CHRM3: variants seen among roughly 807,000 people sequenced by gnomAD.
The protein encoded by CHRM3 is muscarinic acetylcholine receptor M3.
In CHRM3, 11 loss-of-function variants were observed where a neutral mutation model predicts 41.8. That is an observed-to-expected ratio of 0.26 (90% CI 0.17 to 0.44). The LOEUF is 0.44. CHRM3 is among the 20% of genes least tolerant of loss of function. The pLI is 1.00. For synonymous variants in CHRM3, 297 were observed against 301.4 expected, an observed-to-expected ratio of 0.99 and a Z score of 0.15; for missense variants, 571 against 745.4, an observed-to-expected ratio of 0.77 and a Z score of 2.72.
At chr1:239,490,716 C>A (rs927751529) in intron 1 of CHRM3, among the ~76,000 whole-genome samples, 6 of 151,944 alleles carry the variant, frequency 3.9e-5, no homozygotes, top group African/African-American at 1.4e-4. Context: ...CATGTACCAC[C>A]AAGCTCAGTT....
In CHRM3 at chr1:239,907,231, T is replaced by C. The variant is rs1478473596; in HGVS notation, c.-19-202T>C. 6.6e-6 allele frequency among the ~76,000 whole-genome samples: 1 copy of C among 152,202 alleles called. No individual in the cohort carries two copies. Among genetic ancestry groups the C allele is most frequent in the Non-Finnish European group, 1.5e-5 (1 of 68,030 alleles). ...AATGTTCAGTGCATGCCACCAATTA[T>C]ATAATACTATCTCAAACAAATCGAT... On this transcript the variant is annotated intron_variant, in intron 6 of 6. Transcript: ENST00000676153. The surrounding 1 kb of genome is among the most constrained non-coding windows in gnomAD (Gnocchi z 5.4).
intron 3 of CHRM3, among the ~76,000 whole-genome samples, chr1:239,611,349 CA>C (rs1211154847): frequency 6.7e-6 from 1 of 148,340 alleles, no homozygotes; most frequent in African/African-American, 2.5e-5. Context: ...GCATGACTTT[CA>C]AAAGTATAAT....
intron 6 of CHRM3, among the ~76,000 whole-genome samples, chr1:239,834,207 G>A (rs1673118164): frequency 6.9e-6 from 1 of 144,628 alleles, no homozygotes; most frequent in Non-Finnish European, 1.5e-5. Context: ...GACAAAATTT[G>A]CACACTCAAC....
rs1038358079 is a variant in CHRM3, at chr1:239,627,908, C to T, written c.-312-4316C>T. ...GATGGGCTTTCCTTTGAGGGTAACC[C>T]GACCATTCTCTCTGGCTGCCCTTAA... On this transcript the variant is annotated intron_variant, in intron 3 of 6. Transcript: ENST00000676153. Among the ~76,000 whole-genome samples, 8 of 150,072 alleles carry T rather than the reference C, an allele frequency of 5.3e-5. No individual in the cohort carries two copies. In the South Asian group the frequency reaches 6.4e-4, roughly 12 times the overall value.
chr1:239,637,715 T>C (rs1438894494), intron 4 of CHRM3, among the ~76,000 whole-genome samples: 1 of 149,688 alleles, frequency 6.7e-6, no homozygotes, highest in Non-Finnish European at 1.5e-5. Context: ...TTTTTCTTTT[T>C]TTTTTTTTTG....
chr1:239,503,826 C>G (rs1668398152), intron 2 of CHRM3, among the ~76,000 whole-genome samples: 1 of 152,106 alleles, frequency 6.6e-6, no homozygotes, highest in Non-Finnish European at 1.5e-5. Flanking sequence ...AAAGGACACC[C>G]TTTTCAACAA....
At chr1:239,775,841 G>A (rs1668045929) in intron 5 of CHRM3, among the ~76,000 whole-genome samples, 1 of 152,168 alleles carries the variant, frequency 6.6e-6, no homozygotes, top group Admixed American at 6.5e-5. Context: ...GTGACAAAAA[G>A]AGCATAAAAG....
intron 3 of CHRM3, among the ~76,000 whole-genome samples, chr1:239,585,649 G>T (rs1899617): frequency 6.6e-6 from 1 of 152,116 alleles, no homozygotes; most frequent in Non-Finnish European, 1.5e-5. Flanking sequence ...TGCTTGGCAG[G>T]TATACTACTA....
chr1:239,834,480 A>G (rs1673153309), intron 6 of CHRM3, among the ~76,000 whole-genome samples: 1 of 151,904 alleles, frequency 6.6e-6, no homozygotes, highest in African/African-American at 2.4e-5. Flanking sequence ...TCCCTGCACC[A>G]TAGACCTTTA....
chr1:239,467,135 G>T (rs1665788382), intron 1 of CHRM3, among the ~76,000 whole-genome samples: 1 of 152,090 alleles, frequency 6.6e-6, no homozygotes, highest in South Asian at 2.1e-4. Flanking sequence ...TAGCAGTTAA[G>T]ACAGTGACCC....
chr1:239,877,364 T>C (rs1572567084), intron 6 of CHRM3, among the ~76,000 whole-genome samples: 1 of 152,106 alleles, frequency 6.6e-6, no homozygotes, highest in African/African-American at 2.4e-5. Flanking sequence ...GGTGGATCAC[T>C]TGAGGCCAGA....
chr1:239,894,456 G>A (rs575124266), intron 6 of CHRM3, among the ~76,000 whole-genome samples: 3 of 151,958 alleles, frequency 2.0e-5, no homozygotes, highest in African/African-American at 7.2e-5. Context: ...TTTTTGAGAT[G>A]GAGTCTCACT....
chr1:239,518,322 A>G (rs1669409070), intron 2 of CHRM3, among the ~76,000 whole-genome samples: 1 of 152,208 alleles, frequency 6.6e-6, no homozygotes, highest in Non-Finnish European at 1.5e-5. Context: ...AATGAATGTG[A>G]GTTTGAACTG....
At chr1:239,775,754 A>G (rs1038810656) in intron 5 of CHRM3, among the ~76,000 whole-genome samples, 1 of 152,218 alleles carries the variant, frequency 6.6e-6, no homozygotes, top group African/African-American at 2.4e-5. Flanking sequence ...GATCAGGGAG[A>G]AATCGAGAGG....
At chr1:239,721,982 A>G (rs1355398911) in intron 5 of CHRM3, among the ~76,000 whole-genome samples, 3 of 151,882 alleles carry the variant, frequency 2.0e-5, no homozygotes, top group Middle Eastern at 6.3e-3. Flanking sequence ...CCTTCAACAC[A>G]AGGCATTCCA....
intron 2 of CHRM3, among the ~76,000 whole-genome samples, chr1:239,539,199 T>G (rs1162759991): frequency 2.0e-5 from 3 of 152,222 alleles, no homozygotes; most frequent in African/African-American, 7.2e-5. Context: ...GTCATTTTTC[T>G]GTACCTTCTT....
At chr1:239,718,169 T>C (rs1662583337) in intron 5 of CHRM3, among the ~76,000 whole-genome samples, 1 of 152,046 alleles carries the variant, frequency 6.6e-6, no homozygotes, top group African/African-American at 2.4e-5. Context: ...AAATGCAACC[T>C]ACTAGGGTGA....
chr1:239,500,592 T>C (rs1327154129), intron 2 of CHRM3, among the ~76,000 whole-genome samples: 1 of 151,266 alleles, frequency 6.6e-6, no homozygotes, highest in East Asian at 1.9e-4. Context: ...GTTGTGCACA[T>C]GTACCCTAAA....
At chr1:239,415,942 C>T (rs1192129919) in intron 1 of CHRM3, among the ~76,000 whole-genome samples, 1 of 152,096 alleles carries the variant, frequency 6.6e-6, no homozygotes, top group Non-Finnish European at 1.5e-5. Context: ...GATTTTCTTA[C>T]TCGGTAAAAA....
Sources: gnomAD v4.1 joint callset for allele counts (sites outside exome capture counted in the v4.1 genomes callset) on GRCh38, gnomAD v4.1.1 for gene constraint, Gnocchi (gnomAD v3.1) non-coding constraint, MANE v1.5 for transcripts, NCBI Gene and HGNC (gene_info 2026-07-23, HGNC 2026-07-21) for gene names.